NDE1: variants seen among roughly 807,000 people sequenced by gnomAD.
NDE1 encodes nudE neurodevelopment protein 1.
NDE1 carries 28 observed loss-of-function variants against 43.4 expected under a neutral mutation model. The ratio of observed to expected loss-of-function variants is 0.65; its 90% CI spans 0.48 to 0.89. The LOEUF (loss-of-function observed/expected upper bound fraction) is 0.89. Ranked by LOEUF, NDE1 falls within the 40% of genes least tolerant of loss-of-function variation. The probability of loss-of-function intolerance (pLI) is 0.00; values close to 1 mark genes in which losing one functional copy is unlikely to be tolerated. For synonymous variants in NDE1, 184 were observed against 172.0 expected (o/e 1.07, Z -0.55); for missense variants, 441 against 434.1 (o/e 1.02, Z -0.14).
At chr16:15,690,357 T>C (rs2038684961) in intron 5 of NDE1, among the ~76,000 whole-genome samples, 1 of 90,968 alleles carries the variant, frequency 1.1e-5, no homozygotes, top group Non-Finnish European at 2.0e-5. Flanking sequence ...TTTTTTCTTT[T>C]TTTTTTTTTT....
At chr16:15,650,644 G>A (rs1273240161) in intron 1 of NDE1, among the ~76,000 whole-genome samples, 1 of 152,170 alleles carries the variant, frequency 6.6e-6, no homozygotes, top group Non-Finnish European at 1.5e-5. Context: ...GGGACTTCCT[G>A]GGTGGTTAAG....
intron 3 of NDE1, among the ~76,000 whole-genome samples, chr16:15,677,290 G>A (rs1459524485): frequency 6.6e-6 from 1 of 151,994 alleles, no homozygotes; most frequent in Non-Finnish European, 1.5e-5. Context: ...GTTTCATAAA[G>A]AGAGAGGGTC....
intron 8 of NDE1, chr16:15,704,073 C>T: frequency 1.9e-6 from 3 of 1,614,122 alleles, no homozygotes; most frequent in East Asian, 2.2e-5. Flanking sequence ...TTCAATAACT[C>T]TACGTCCTCC....
At position 15,699,637 on chromosome 16, in the gene NDE1, T is replaced by C. The variant is rs750243589; in HGVS notation, c.947+2777T>C. ...CCCTGTGAGACCCTGCTCCTGACTCTTGATGTTCACCCTTATAACTCTCTG... is the reference window on the plus strand; with the variant it reads ...CCCTGTGAGACCCTGCTCCTGACTCCTGATGTTCACCCTTATAACTCTCTG... On this transcript the variant is annotated intron_variant, in intron 8 of 8. Transcript: ENST00000396354. 3.1e-6 allele frequency: 4 copies of C among 1,275,180 alleles called. No individual in the cohort carries two copies. The East Asian group carries it at 2.2e-4, about 71-fold the overall frequency. 79.0% of individuals were successfully genotyped at this position (1,275,180 alleles called of 1,614,324 possible).
chr16:15,686,420 T>C, intron 4 of NDE1: 5 of 985,466 alleles, frequency 5.1e-6, no homozygotes, highest in Non-Finnish European at 6.0e-6. Context: ...ACAGTGTTTA[T>C]GCCCTTCACA....
At chr16:15,658,103 T>C (rs2151416540) in intron 1 of NDE1, among the ~76,000 whole-genome samples, 1 of 152,342 alleles carries the variant, frequency 6.6e-6, no homozygotes, top group Admixed American at 6.5e-5. Flanking sequence ...TTGGCCCAGC[T>C]TTCCTCTGTT....
At chr16:15,711,341 A>T (rs1313215333) in intron 8 of NDE1, 1 of 152,012 alleles carries the variant, frequency 6.6e-6, no homozygotes, top group Admixed American at 6.6e-5. Context: ...TGTCAGAGAG[A>T]GTCTATTTGG....
At position 15,724,154 on chromosome 16, in the gene NDE1, C is replaced by T. The variant is rs1567699226; in HGVS notation, c.948-37C>T. On this transcript the variant is annotated intron_variant, in intron 8 of 8. Transcript: ENST00000396354. ...GGCCAGAGTGGGGGACACCCCACGCCCTCTACCTGATCAAATTTCCTCTGC... is the reference window on the plus strand; with the variant it reads ...GGCCAGAGTGGGGGACACCCCACGCTCTCTACCTGATCAAATTTCCTCTGC... The T allele has an allele frequency of 6.2e-7, 1 of 1,612,964 alleles. No homozygotes were observed. The highest frequency in any genetic ancestry group is 1.3e-5 in the African/African-American group (1 of 75,024).
intron 8 of NDE1, among the ~76,000 whole-genome samples, chr16:15,698,876 A>C (rs1459796011): frequency 6.8e-6 from 1 of 146,028 alleles, no homozygotes. Flanking sequence ...AAAAAAAAAA[A>C]TTAATTTTTG....
Position 15,721,062 on chromosome 16 carries a change from A to G in NDE1, c.948-3129A>G, listed in dbSNP as rs1378031468. On this transcript the variant is annotated intron_variant, in intron 8 of 8. Coordinates refer to ENST00000396354, the MANE Select transcript of NDE1 (RefSeq NM_017668.3). Reference sequence around the variant, plus strand: ...CTCCAGCTCATGGACCTGCCGGCAGAGCGGGCAGCCCCATTCTATGAGGCT... The same window carrying G: ...CTCCAGCTCATGGACCTGCCGGCAGGGCGGGCAGCCCCATTCTATGAGGCT... 3 of 1,613,372 alleles carry G rather than the reference A, an allele frequency of 1.9e-6. No individual in the cohort carries two copies. Among genetic ancestry groups the G allele is most frequent in the Non-Finnish European group, 2.5e-6 (3 of 1,179,842 alleles).
At chr16:15,693,674 T>C (rs1207942504) in intron 6 of NDE1, among the ~76,000 whole-genome samples, 1 of 152,068 alleles carries the variant, frequency 6.6e-6, no homozygotes, top group Admixed American at 6.6e-5. Flanking sequence ...GCATGGTGGC[T>C]CACGCCCGTA....
chr16:15,714,154 C>T (rs1164254266), intron 8 of NDE1: 1 of 152,716 alleles, frequency 6.5e-6, no homozygotes, highest in Admixed American at 6.5e-5. Context: ...CTAAAACCTC[C>T]TGGGAGCCAA....
chr16:15,678,295 C>G (rs955527320), intron 4 of NDE1, among the ~76,000 whole-genome samples: 1 of 152,092 alleles, frequency 6.6e-6, no homozygotes, highest in Non-Finnish European at 1.5e-5. Context: ...GGGTGTGAGA[C>G]AAGAACATTC....
chr16:15,652,553 A>G (rs1487612574), intron 1 of NDE1, among the ~76,000 whole-genome samples: 1 of 152,198 alleles, frequency 6.6e-6, no homozygotes, highest in Non-Finnish European at 1.5e-5. Context: ...GAAATGTTTG[A>G]AAAGGGTTGG....
chr16:15,691,402 T>A (rs2038747689), intron 6 of NDE1, 79 bp downstream of exon 6: 1 of 1,478,470 alleles, frequency 6.8e-7, no homozygotes, highest in Non-Finnish European at 9.3e-7. Flanking sequence ...GTCCTGGGGG[T>A]GTGATGATTT....
intron 1 of NDE1, among the ~76,000 whole-genome samples, chr16:15,660,720 C>T: frequency 6.6e-6 from 1 of 152,158 alleles, no homozygotes; most frequent in East Asian, 1.9e-4. Context: ...GACTTTCGCT[C>T]AGCCTTGTGG....
chr16:15,706,647 C>T (rs1426068766), intron 8 of NDE1, among the ~76,000 whole-genome samples: 6 of 151,496 alleles, frequency 4.0e-5, no homozygotes, highest in African/African-American at 1.5e-4. Context: ...GTGAAGGCTG[C>T]AGTGAGCCAA....
chr16:15,718,237 G>A (rs528151222), intron 8 of NDE1: 67 of 1,598,850 alleles, frequency 4.2e-5, no homozygotes, highest in East Asian at 3.8e-4. Flanking sequence ...AAGCCGCCAC[G>A]CGTGTGTTGA....
intron 5 of NDE1, among the ~76,000 whole-genome samples, chr16:15,689,938 C>CAAAAA (rs34081814): frequency 1.1e-5 from 1 of 95,084 alleles, no homozygotes; most frequent in Non-Finnish European, 2.2e-5. Context: ...AACTCCATCT[C>CAAAAA]AAAAAAAAAA....
Sources: gnomAD v4.1 joint callset for allele counts (sites outside exome capture counted in the v4.1 genomes callset) on GRCh38, gnomAD v4.1.1 for gene constraint, MANE v1.5 for transcripts, NCBI Gene and HGNC (gene_info 2026-07-23, HGNC 2026-07-21) for gene names.